Variants in TRHDE observed in about 807,000 individuals in gnomAD.
TRHDE encodes the protein thyrotropin-releasing hormone-degrading ectoenzyme.
In TRHDE, 72 loss-of-function variants were observed where a neutral mutation model predicts 125.7. The ratio of observed to expected loss-of-function variants is 0.57; its 90% CI spans 0.47 to 0.70. TRHDE has a LOEUF of 0.70. Ranked by LOEUF, TRHDE falls within the 30% of genes least tolerant of loss-of-function variation. The pLI is 0.00. For missense variants in TRHDE, 1,110 were observed against 1,327.1 expected (o/e 0.84, Z 2.54); for synonymous variants, 509 against 509.1 (o/e 1.00, Z 0.00).
intron 6 of TRHDE, among the ~76,000 whole-genome samples, chr12:72,531,759 C>T (rs952355768): frequency 9.2e-5 from 14 of 152,048 alleles, no homozygotes; most frequent in African/African-American, 3.1e-4. Flanking sequence ...CATACCATCT[C>T]TGTCAGCTAT....
intron 7 of TRHDE, among the ~76,000 whole-genome samples, chr12:72,548,549 A>G (rs1387978): frequency 0.24 from 35,766 of 151,660 alleles, 5,846 homozygotes; most frequent in East Asian, 0.49. Context: ...CGTAAGTAGA[A>G]TAAGTCTTAC....
At chr12:72,599,596 G>A (rs749053281) in intron 12 of TRHDE, among the ~76,000 whole-genome samples, 16 of 151,816 alleles carry the variant, frequency 1.1e-4, no homozygotes, top group Middle Eastern at 3.4e-3. Context: ...TTTAAGTTTC[G>A]GATAGATTCT....
At chr12:72,462,637 TA>T (rs746846542) in intron 3 of TRHDE, among the ~76,000 whole-genome samples, 32 of 152,226 alleles carry the variant, frequency 2.1e-4, no homozygotes, top group Non-Finnish European at 3.8e-4. Context: ...CAGTTAAGAT[TA>T]AAACTGCCCT....
At chr12:72,363,718 G>C (rs1025839397) in intron 2 of TRHDE, among the ~76,000 whole-genome samples, 2 of 152,054 alleles carry the variant, frequency 1.3e-5, no homozygotes, top group African/African-American at 4.8e-5. Flanking sequence ...CACAAGACAG[G>C]GATGCCCTCT....
intron 2 of TRHDE, among the ~76,000 whole-genome samples, chr12:72,247,596 A>C (rs1410976076): frequency 6.6e-6 from 1 of 152,236 alleles, no homozygotes; most frequent in African/African-American, 2.4e-5. Context: ...GCTGGAGTTC[A>C]AAATCACTGT....
intron 3 of TRHDE, among the ~76,000 whole-genome samples, chr12:72,400,284 T>A (rs1872983243): frequency 6.6e-6 from 1 of 152,156 alleles, no homozygotes; most frequent in African/African-American, 2.4e-5. Flanking sequence ...TTAAAATTAT[T>A]CCTTGGTTTT....
chr12:72,470,459 G>A (rs1037869683), intron 4 of TRHDE, among the ~76,000 whole-genome samples: 2 of 152,124 alleles, frequency 1.3e-5, no homozygotes, highest in Admixed American at 6.5e-5. Flanking sequence ...ATGTAAATTT[G>A]CCAACTTTGT....
At chr12:72,277,663 C>A (rs752348008) in intron 1 of TRHDE, among the ~76,000 whole-genome samples, 1 of 151,958 alleles carries the variant, frequency 6.6e-6, no homozygotes, top group Non-Finnish European at 1.5e-5. Context: ...CACCAGTAAA[C>A]CGTATCTAGA....
At chr12:72,095,933 A>G (rs1316755719) in intron 1 of TRHDE, among the ~76,000 whole-genome samples, 2 of 152,172 alleles carry the variant, frequency 1.3e-5, no homozygotes, top group African/African-American at 4.8e-5. Context: ...TCCTCCAATC[A>G]GTTGAAGGGC....
intron 3 of TRHDE, among the ~76,000 whole-genome samples, chr12:72,466,876 T>A (rs1369957201): frequency 6.6e-6 from 1 of 152,180 alleles, no homozygotes; most frequent in Non-Finnish European, 1.5e-5. Flanking sequence ...CATTTATCAT[T>A]TACTAATTTT....
At chr12:72,465,678 G>A (rs1876338147) in intron 3 of TRHDE, among the ~76,000 whole-genome samples, 1 of 152,030 alleles carries the variant, frequency 6.6e-6, no homozygotes, top group South Asian at 2.1e-4. Context: ...GAATATTTGT[G>A]TACAAATGTT....
At chr12:72,616,469 G>T (rs1173498672) in intron 12 of TRHDE, among the ~76,000 whole-genome samples, 1 of 152,026 alleles carries the variant, frequency 6.6e-6, no homozygotes, top group African/African-American at 2.4e-5. Context: ...GAATGTGAGG[G>T]CTGGAGAGAT....
chr12:72,534,343 C>T (rs1868735000), intron 6 of TRHDE, among the ~76,000 whole-genome samples: 1 of 152,132 alleles, frequency 6.6e-6, no homozygotes, highest in African/African-American at 2.4e-5. Flanking sequence ...ACATTGAGAA[C>T]TAACATAGTT....
chr12:72,504,104 A>G (rs916035493), intron 6 of TRHDE, among the ~76,000 whole-genome samples: 1 of 152,160 alleles, frequency 6.6e-6, no homozygotes, highest in Non-Finnish European at 1.5e-5. Flanking sequence ...AGATACAGTC[A>G]CGAGACAGGG....
rs67346703 is a variant in TRHDE at position 72,478,922 on chromosome 12, C to CAAA, written c.1584+5759_1584+5761dup. Among the ~76,000 whole-genome samples the CAAA allele has an allele frequency of 9.9e-4, 105 of 106,146 alleles. 3 individuals are homozygous for CAAA. The highest frequency in any genetic ancestry group is 2.1e-3 in the African/African-American group (58 of 28,204). The allele number at this position is 106,146 out of a possible 152,430, so 69.6% of individuals were successfully genotyped here. ...AATAGATATTAATACTTTTTTTTAG[C>CAAA]AAAAAAAAAAAAAAAAAAACAAAAA... On this transcript the variant is annotated intron_variant, in intron 5 of 18. Coordinates refer to ENST00000261180, the MANE Select transcript of TRHDE (RefSeq NM_013381.3).
At chr12:72,328,635 T>G (rs1201837797) in intron 2 of TRHDE, among the ~76,000 whole-genome samples, 2 of 152,092 alleles carry the variant, frequency 1.3e-5, no homozygotes, top group Non-Finnish European at 2.9e-5. Flanking sequence ...ATTTTAGAGA[T>G]AAACTGTACT....
At chr12:72,228,796 A>C (rs975346005) in intron 2 of TRHDE, among the ~76,000 whole-genome samples, 1 of 152,150 alleles carries the variant, frequency 6.6e-6, no homozygotes, top group African/African-American at 2.4e-5. Context: ...CAGATGTCCA[A>C]AATCATCTCA....
At position 72,546,809 on chromosome 12, in the gene TRHDE, A is replaced by G. The variant is rs1869442147; in HGVS notation, c.1788+4453A>G. Among the ~76,000 whole-genome samples the G allele has an allele frequency of 2.0e-5, 3 of 151,666 alleles. No individual in the cohort carries two copies. In the South Asian group the frequency reaches 6.2e-4, roughly 31 times the overall value. ...GGGTTTCATAGGGAAGTAATACACA[A>G]ATTCTCAGCTGCCTAGAGTACACCT... On this transcript the variant is annotated intron_variant, in intron 7 of 18. Coordinates refer to ENST00000261180, the MANE Select transcript of TRHDE (RefSeq NM_013381.3).
chr12:72,586,342 A>C (rs1305924960), intron 12 of TRHDE, among the ~76,000 whole-genome samples: 1 of 152,182 alleles, frequency 6.6e-6, no homozygotes, highest in African/African-American at 2.4e-5. Context: ...GGAAATCGTA[A>C]AGCCTTAGGA....
Sources: gnomAD v4.1 joint callset for allele counts (sites outside exome capture counted in the v4.1 genomes callset) on GRCh38, gnomAD v4.1.1 for gene constraint, MANE v1.5 for transcripts, NCBI Gene and HGNC (gene_info 2026-07-23, HGNC 2026-07-21) for gene names.